LCOR: variants seen among roughly 807,000 people sequenced by gnomAD.
The protein encoded by LCOR is ligand dependent nuclear receptor corepressor.
In LCOR, 14 loss-of-function variants were observed where a neutral mutation model predicts 64.4. That is an observed-to-expected ratio of 0.22 (90% CI 0.14 to 0.34). LCOR has a LOEUF of 0.34. LCOR is among the 10% of genes least tolerant of loss of function. The pLI is 1.00. For missense variants in LCOR, 1,686 were observed against 1,765.3 expected (o/e 0.96, Z 0.80); for synonymous variants, 643 against 642.5 (o/e 1.00, Z -0.01).
At chr10:96,835,083 T>G (rs1845419328) in intron 2 of LCOR, among the ~76,000 whole-genome samples, 1 of 152,166 alleles carries the variant, frequency 6.6e-6, no homozygotes, top group South Asian at 2.1e-4. Flanking sequence ...GTACTTTTGG[T>G]AGAGACGGGG....
chr10:96,948,756 G>C (rs1047282114), intron 5 of LCOR, among the ~76,000 whole-genome samples: 6 of 152,082 alleles, frequency 3.9e-5, no homozygotes, highest in African/African-American at 1.4e-4. Context: ...AGATATTCTA[G>C]TTGTTATCCC....
intron 7 of LCOR, among the ~76,000 whole-genome samples, chr10:96,967,823 TTTAAG>T (rs1016391268): frequency 9.2e-5 from 14 of 152,152 alleles, no homozygotes; most frequent in Non-Finnish European, 1.9e-4. Flanking sequence ...GAAAAGTCAC[TTTAAG>T]TTATTCATAA....
At chr10:96,923,735 T>C (rs984388755) in intron 4 of LCOR, among the ~76,000 whole-genome samples, 2 of 152,238 alleles carry the variant, frequency 1.3e-5, no homozygotes, top group African/African-American at 4.8e-5. Context: ...TTCAGTGATA[T>C]CTTTGCTATT....
chr10:96,836,200 T>C (rs907468479), intron 2 of LCOR, among the ~76,000 whole-genome samples: 3 of 152,214 alleles, frequency 2.0e-5, no homozygotes, highest in African/African-American at 7.2e-5. Context: ...ATTTGAACAA[T>C]GCCATTTTTT....
At chr10:96,977,867 T>A (rs892802687) in intron 7 of LCOR, among the ~76,000 whole-genome samples, 1 of 152,216 alleles carries the variant, frequency 6.6e-6, no homozygotes. Flanking sequence ...GAAGCACTTT[T>A]AATTTGATTC....
chr10:96,874,110 T>C (rs1212050565), intron 2 of LCOR, among the ~76,000 whole-genome samples: 1 of 152,236 alleles, frequency 6.6e-6, no homozygotes, highest in Admixed American at 6.5e-5. Flanking sequence ...CAAAAATATT[T>C]ATTGTTAAGC....
chr10:96,895,609 C>T (rs1305788612), intron 2 of LCOR, among the ~76,000 whole-genome samples: 3 of 152,238 alleles, frequency 2.0e-5, no homozygotes, highest in Non-Finnish European at 4.4e-5. Flanking sequence ...TCACCGTGGA[C>T]TGTATGATCA....
chr10:96,921,839 T>TC (rs1847086937), intron 4 of LCOR, among the ~76,000 whole-genome samples: 1 of 152,212 alleles, frequency 6.6e-6, no homozygotes, highest in Non-Finnish European at 1.5e-5. Flanking sequence ...TCCCATTGAA[T>TC]CGTGTTGGTA....
rs1212890496 is a variant in LCOR at position 96,980,161 on chromosome 10, AC to A, written c.333-631del. ...TGTCTCCATTAAAAAACAAAACAAA[AC>A]AAAAAAAAAAAACTGTAAGTTCTGT... On this transcript the variant is annotated intron_variant, in intron 7 of 7. Transcript: ENST00000421806. Among the ~76,000 whole-genome samples, 13 of 117,328 alleles carry A rather than the reference AC, an allele frequency of 1.1e-4. No individual in the cohort carries two copies. In the South Asian group the frequency reaches 1.3e-3, roughly 12 times the overall value. 77.0% of individuals were successfully genotyped at this position (117,328 alleles called of 152,430 possible). A position where few individuals can be genotyped will look rare whatever the true frequency, so the allele number is the denominator to read the frequency against.
chr10:96,953,182 AC>A (rs1332241939), intron 7 of LCOR, among the ~76,000 whole-genome samples: 1 of 151,918 alleles, frequency 6.6e-6, no homozygotes, highest in African/African-American at 2.4e-5. Flanking sequence ...CTTTTTCTTA[AC>A]CCCTTCTTTT....
rs562602555 is a variant in LCOR, at chr10:96,892,896, A to G, written c.-329-14369A>G. Among the ~76,000 whole-genome samples the G allele has an allele frequency of 2.0e-5, 3 of 152,340 alleles. No individual in the cohort carries two copies. The East Asian group carries it at 5.8e-4, about 29-fold the overall frequency. On this transcript the variant is annotated intron_variant, in intron 2 of 7. Transcript: ENST00000421806. ...AAATTAATTCTGCCCATCTCTGCCT[A>G]TTAATTGGAGGCTTTACTCCATTTA...
At chr10:96,907,494 A>C (rs1846749481) in intron 3 of LCOR, among the ~76,000 whole-genome samples, 164 bp downstream of exon 3, 1 of 152,188 alleles carries the variant, frequency 6.6e-6, no homozygotes, top group Non-Finnish European at 1.5e-5. Context: ...TATATGTATG[A>C]ATAATGTATT....
chr10:96,841,068 C>T (rs1191772188), intron 2 of LCOR, among the ~76,000 whole-genome samples: 2 of 152,178 alleles, frequency 1.3e-5, no homozygotes, highest in African/African-American at 4.8e-5. Flanking sequence ...CGCTTGAGCC[C>T]AGGAGGTCGA....
chr10:96,934,729 G>GTAGCTGGGATTACAGGCATGCGCCACCA (rs1393724258), intron 4 of LCOR, among the ~76,000 whole-genome samples: 95 of 152,290 alleles, frequency 6.2e-4, no homozygotes, highest in African/African-American at 2.3e-3. Context: ...AGCCTCCTGA[G>GTAGCTGGGATTACAGGCATGCGCCACCA]TAGCTGGGAT....
chr10:96,953,874 T>C (rs1847722099), intron 7 of LCOR, among the ~76,000 whole-genome samples: 1 of 152,248 alleles, frequency 6.6e-6, no homozygotes, highest in Non-Finnish European at 1.5e-5. Context: ...TTATCATTTC[T>C]GCAAAGCCCT....
intron 4 of LCOR, among the ~76,000 whole-genome samples, chr10:96,924,600 AG>A (rs949881219): frequency 6.6e-6 from 1 of 152,084 alleles, no homozygotes; most frequent in Non-Finnish European, 1.5e-5. Context: ...TTGCAGGACT[AG>A]TACAAAAATA....
chr10:96,936,732 C>G (rs895106593), intron 4 of LCOR, among the ~76,000 whole-genome samples: 3 of 149,194 alleles, frequency 2.0e-5, no homozygotes, highest in Admixed American at 6.6e-5. Context: ...TGAATCCACC[C>G]CTGGTACCTG....
intron 4 of LCOR, among the ~76,000 whole-genome samples, chr10:96,939,149 G>A (rs568455739): frequency 6.6e-6 from 1 of 152,186 alleles, no homozygotes; most frequent in African/African-American, 2.4e-5. Flanking sequence ...TGTGATGCTG[G>A]CTTGAGGATA....
Position 96,922,779 on chromosome 10 carries a change from G to T in LCOR, c.-184+15032G>T, listed in dbSNP as rs183977511. 3.7e-3 allele frequency among the ~76,000 whole-genome samples: 566 copies of T among 152,318 alleles called. 1 individual carries two copies. Among genetic ancestry groups the T allele is most frequent in the Non-Finnish European group, 6.7e-3 (454 of 68,016 alleles). ...TATAGATACTGGTCAATTAACTAGTGTAATAGTAATAATAGCCATTTGCTG... is the reference window on the plus strand; with the variant it reads ...TATAGATACTGGTCAATTAACTAGTTTAATAGTAATAATAGCCATTTGCTG... On this transcript the variant is annotated intron_variant, in intron 4 of 7. Coordinates refer to ENST00000421806, the MANE Select transcript of LCOR (RefSeq NM_001346516.2).
Sources: allele counts gnomAD v4.1 joint callset (sites outside exome capture counted in the v4.1 genomes callset), GRCh38; gene constraint gnomAD v4.1.1; transcripts MANE v1.5; gene names NCBI Gene and HGNC (gene_info 2026-07-23, HGNC 2026-07-21).